IKZF1: variants seen among roughly 807,000 people sequenced by gnomAD.
The protein encoded by IKZF1 is IKAROS family zinc finger 1, also known as DNA-binding protein Ikaros.
In IKZF1, 10 loss-of-function variants were observed where a neutral mutation model predicts 51.7. That is an observed-to-expected ratio of 0.19 (90% CI 0.12 to 0.33). The LOEUF (loss-of-function observed/expected upper bound fraction) is 0.33. IKZF1 is among the 10% of genes least tolerant of loss of function. IKZF1 has a pLI of 1.00. For missense variants in IKZF1, 484 were observed against 707.5 expected (o/e 0.68, Z 3.58); for synonymous variants, 280 against 282.3 (o/e 0.99, Z 0.08).
intron 3 of IKZF1, among the ~76,000 whole-genome samples, chr7:50,346,220 A>G (rs1318826206): frequency 6.6e-6 from 1 of 152,184 alleles, no homozygotes; most frequent in Non-Finnish European, 1.5e-5. Flanking sequence ...AACATACTGG[A>G]TGGAAGGCTG....
chr7:50,394,889 G>T (rs1204897931), intron 7 of IKZF1, among the ~76,000 whole-genome samples: 2 of 152,118 alleles, frequency 1.3e-5, no homozygotes, highest in Non-Finnish European at 2.9e-5. Context: ...AATTAGAAAA[G>T]GGCTTGTATT....
intron 3 of IKZF1, among the ~76,000 whole-genome samples, chr7:50,337,940 C>A (rs1454462537): frequency 6.6e-6 from 1 of 152,174 alleles, no homozygotes; most frequent in African/African-American, 2.4e-5. Flanking sequence ...GGAAAAGCCA[C>A]CAGTTAGCCC....
At chr7:50,374,440 C>T (rs922505180) in intron 3 of IKZF1, among the ~76,000 whole-genome samples, 2 of 152,214 alleles carry the variant, frequency 1.3e-5, no homozygotes, top group Non-Finnish European at 2.9e-5. Context: ...CTGCAGTTAC[C>T]TTCCAGCTCT....
chr7:50,335,440 G>C (rs1470937695), intron 3 of IKZF1, among the ~76,000 whole-genome samples: 2 of 52,602 alleles, frequency 3.8e-5, no homozygotes, highest in Admixed American at 1.6e-4. Flanking sequence ...TATGGGATGT[G>C]TGGTGTGTGT....
chr7:50,356,368 G>A (rs1232797004), intron 3 of IKZF1, among the ~76,000 whole-genome samples: 1 of 152,178 alleles, frequency 6.6e-6, no homozygotes, highest in Non-Finnish European at 1.5e-5. Flanking sequence ...GGACCATAGA[G>A]TGAACTTGTT....
chr7:50,318,632 A>G (rs1792253109), intron 1 of IKZF1: 1 of 218,204 alleles, frequency 4.6e-6, no homozygotes. Context: ...CGTGTCACCA[A>G]GCTGACTCAA....
intron 7 of IKZF1, chr7:50,393,947 A>G (rs1408875951): frequency 4.3e-6 from 1 of 232,538 alleles, no homozygotes; most frequent in Non-Finnish European, 8.5e-6. Flanking sequence ...GAACGTTTGC[A>G]GCCCCTTTTA....
Position 50,387,354 on chromosome 7 carries a change from C to T in IKZF1, c.599C>T (p.Pro200Leu). ...ATTGTGTTTTCTGCAGTTGGTAAAC[C>T]TCACAAATGTGGATATTGTGGCCGA... The part of the protein sequence containing the change: ...GHLRTHSVGK[P>L]HKCGYCGRSY... The change falls in exon 6 of 8, where the codon CCT becomes CTT. Residue 200 changes from proline (P) to leucine (L), a missense_variant. Coordinates refer to ENST00000331340, the MANE Select transcript of IKZF1 (RefSeq NM_006060.6). 6.2e-7 allele frequency: 1 copy of T among 1,613,358 alleles called. No individual in the cohort carries two copies.
intron 3 of IKZF1, among the ~76,000 whole-genome samples, chr7:50,373,578 G>A (rs1809365087): frequency 6.6e-6 from 1 of 152,162 alleles, no homozygotes. Flanking sequence ...CTTAGCGCCT[G>A]TATTTGAAAA....
At chr7:50,383,174 G>A (rs532366595) in intron 5 of IKZF1, among the ~76,000 whole-genome samples, 2 of 152,286 alleles carry the variant, frequency 1.3e-5, no homozygotes, top group East Asian at 3.9e-4. Context: ...GGGTGATTTA[G>A]GGCGCACCCA....
At chr7:50,380,599 T>C (rs149715673) in intron 4 of IKZF1, among the ~76,000 whole-genome samples, 194 of 152,364 alleles carry the variant, frequency 1.3e-3, no homozygotes, top group African/African-American at 4.3e-3. Flanking sequence ...ACATGCTTAT[T>C]GTGAGCATTT....
intron 3 of IKZF1, among the ~76,000 whole-genome samples, chr7:50,370,847 G>A (rs1409164200): frequency 2.0e-5 from 3 of 152,034 alleles, no homozygotes; most frequent in Non-Finnish European, 4.4e-5. Context: ...TGGGGTGGGG[G>A]GTTACAAAAT....
chr7:50,342,733 T>C lies in IKZF1; in HGVS notation c.160+14976T>C, dbSNP rs1799342296. On this transcript the variant is annotated intron_variant, in intron 3 of 7. Coordinates refer to ENST00000331340, the MANE Select transcript of IKZF1 (RefSeq NM_006060.6). ...GAAAGCAGTTCCACCTTGGCACCCA[T>C]GTCCTCATAGCCCAAGCGGGGCCAC... Among the ~76,000 whole-genome samples the C allele has an allele frequency of 2.0e-5, 3 of 151,216 alleles. 1 individual carries two copies. The highest frequency in any genetic ancestry group is 6.6e-5 in the Admixed American group (1 of 15,184).
chr7:50,332,540 G>A (rs1796641625), intron 3 of IKZF1, among the ~76,000 whole-genome samples: 1 of 152,160 alleles, frequency 6.6e-6, no homozygotes, highest in Non-Finnish European at 1.5e-5. Flanking sequence ...TAGAAAACGG[G>A]ATGGCCACCC....
At chr7:50,373,129 G>C (rs1809204571) in intron 3 of IKZF1, among the ~76,000 whole-genome samples, 2 of 152,198 alleles carry the variant, frequency 1.3e-5, no homozygotes, top group Admixed American at 1.3e-4. Flanking sequence ...CATCCATTGT[G>C]GGCTTTCCCC....
chr7:50,394,597 C>G (rs891293861), intron 7 of IKZF1, among the ~76,000 whole-genome samples: 5 of 152,140 alleles, frequency 3.3e-5, no homozygotes, highest in African/African-American at 1.2e-4. Flanking sequence ...CCTGCCTCCT[C>G]CCAGAGCTAT....
At position 50,360,866 on chromosome 7, in the gene IKZF1, A is replaced by G. The variant is rs117625696; in HGVS notation, c.161-15667A>G. ...CAGCATGTCCTGACAGGGCCTAGAT[A>G]TGGAAAGGTGGCTCTCCATGCACAC... On this transcript the variant is annotated intron_variant, in intron 3 of 7. Coordinates refer to ENST00000331340, the MANE Select transcript of IKZF1 (RefSeq NM_006060.6). Among the ~76,000 whole-genome samples, 5 of 152,336 alleles carry G rather than the reference A, an allele frequency of 3.3e-5. No individual in the cohort carries two copies. In the East Asian group the frequency reaches 9.6e-4, roughly 29 times the overall value.
chr7:50,345,438 G>A (rs1445462202), intron 3 of IKZF1, among the ~76,000 whole-genome samples: 1 of 152,144 alleles, frequency 6.6e-6, no homozygotes, highest in Non-Finnish European at 1.5e-5. Flanking sequence ...AGACCTAAAG[G>A]GAAGCCTTGC....
intron 4 of IKZF1, among the ~76,000 whole-genome samples, chr7:50,381,783 A>G (rs1811917078): frequency 6.6e-6 from 1 of 152,266 alleles, no homozygotes; most frequent in Non-Finnish European, 1.5e-5. Flanking sequence ...AGAAATCTCA[A>G]TGCAACTCTG....
Sources: allele counts gnomAD v4.1 joint callset (sites outside exome capture counted in the v4.1 genomes callset), GRCh38; gene constraint gnomAD v4.1.1; transcripts MANE v1.5; gene names NCBI Gene and HGNC (gene_info 2026-07-23, HGNC 2026-07-21).